CYFIP2: variants seen among roughly 807,000 people sequenced by gnomAD.
The protein encoded by CYFIP2 is cytoplasmic FMR1 interacting protein 2.
A neutral mutation model predicts 158.7 loss-of-function variants in CYFIP2; 29 were observed. The ratio of observed to expected loss-of-function variants is 0.18; its 90% confidence interval spans 0.14 to 0.25. CYFIP2 has a LOEUF of 0.25. Ranked by LOEUF, CYFIP2 falls within the 10% of genes least tolerant of loss-of-function variation. The pLI is 1.00. For missense variants in CYFIP2, 852 were observed against 1,639.5 expected (o/e 0.52, Z 8.29); for synonymous variants, 585 against 617.6 (o/e 0.95, Z 0.78).
Position 157,324,014 on chromosome 5 carries a change from C to T in CYFIP2, c.1765C>T (p.Leu589Phe). 1 of 1,613,742 alleles carries T rather than the reference C, an allele frequency of 6.2e-7. No homozygotes were observed. The highest frequency in any genetic ancestry group is 8.5e-7 in the Non-Finnish European group (1 of 1,179,776). ...GAGCAGCCTGGATGGACCCATTGTC[C>T]TCGCCATAGAGGACTTTCACAAACA... Reference protein sequence around the residue: ...LRSSLDGPIVLAIEDFHKQSF... With the variant: ...LRSSLDGPIVFAIEDFHKQSF... Residue 589 changes from leucine to phenylalanine, a missense_variant, in exon 16 of 31, where the codon CTC becomes TTC. Leu to Phe is a conservative substitution (Grantham distance 22). This residue lies in a region of CYFIP2 where 167 missense variants were observed against 343.3 expected (regional missense o/e 0.49). Transcript: ENST00000620254.
intron 18 of CYFIP2, among the ~76,000 whole-genome samples, chr5:157,327,630 A>G (rs1761129634): frequency 6.6e-6 from 1 of 152,076 alleles, no homozygotes; most frequent in South Asian, 2.1e-4. Flanking sequence ...GAAGAGATGG[A>G]TGGGGAGGCT....
rs557681672 is a variant in CYFIP2 at position 157,377,041 on chromosome 5, A to C, written c.3040-5549A>C. ...TTTACTCCCGCCCTCAGGTCCAGTC[A>C]TCAGGTCTCTGGCCTCTGCTCACTT... On this transcript the variant is annotated intron_variant, in intron 26 of 30. Coordinates refer to ENST00000620254, the MANE Select transcript of CYFIP2 (RefSeq NM_001037333.3). 5 of 367,414 alleles carry C rather than the reference A, an allele frequency of 1.4e-5. 1 individual carries two copies. Among genetic ancestry groups the C allele is most frequent in the South Asian group, 1.0e-4 (5 of 49,176 alleles). The allele number at this position is 367,414 out of a possible 1,614,324, so 22.8% of individuals were successfully genotyped here.
intron 26 of CYFIP2, chr5:157,363,311 A>T (rs1358375007): frequency 6.6e-6 from 1 of 152,276 alleles, no homozygotes; most frequent in African/African-American, 2.4e-5. Context: ...CCATCCACTC[A>T]TTCAGCAAGA....
intron 1 of CYFIP2, among the ~76,000 whole-genome samples, chr5:157,268,558 A>G (rs566963809): frequency 9.2e-5 from 14 of 152,328 alleles, no homozygotes; most frequent in Middle Eastern, 3.4e-3. Flanking sequence ...GGAAAACAGT[A>G]CGGGTCCCAG....
intron 26 of CYFIP2, among the ~76,000 whole-genome samples, chr5:157,378,289 A>G (rs2113484991): frequency 6.6e-6 from 1 of 152,298 alleles, no homozygotes; most frequent in South Asian, 2.1e-4. Flanking sequence ...GTAATTTCCT[A>G]TTTCTTTGTA....
chr5:157,343,665 A>C, intron 23 of CYFIP2: 1 of 805,934 alleles, frequency 1.2e-6, no homozygotes, highest in East Asian at 2.7e-5. Flanking sequence ...TCTTACAGAC[A>C]AAGAAATGGA....
At position 157,349,368 on chromosome 5, in the gene CYFIP2, A is replaced by G. The variant is rs146171350; in HGVS notation, c.2673+8211A>G. On this transcript the variant is annotated intron_variant, in intron 23 of 30. Coordinates refer to ENST00000620254, the MANE Select transcript of CYFIP2 (RefSeq NM_001037333.3). ...CTCCCACTCAAGTGAGAACATAATC[A>G]TGTTTGGTTTTCCATTCCCGAGTTA... Among the ~76,000 whole-genome samples the G allele has an allele frequency of 2.8e-3, 423 of 152,218 alleles. 3 individuals carry two copies. Among genetic ancestry groups the G allele is most frequent in the African/African-American group, 9.9e-3 (412 of 41,528 alleles).
intron 1 of CYFIP2, among the ~76,000 whole-genome samples, chr5:157,268,559 C>T (rs777165511): frequency 1.3e-5 from 2 of 152,186 alleles, no homozygotes; most frequent in Non-Finnish European, 1.5e-5. Flanking sequence ...GAAAACAGTA[C>T]GGGTCCCAGT....
chr5:157,320,909 G>A, intron 15 of CYFIP2, 107 bp downstream of exon 15: 1 of 1,362,610 alleles, frequency 7.3e-7, no homozygotes, highest in Non-Finnish European at 9.7e-7. Context: ...CCGTCGGTCA[G>A]GAGGGGCAGG....
intron 13 of CYFIP2, among the ~76,000 whole-genome samples, chr5:157,316,207 G>T (rs6862382): frequency 0.76 from 116,192 of 152,234 alleles, 45,702 homozygotes; most frequent in African/African-American, 0.94. Flanking sequence ...TTTTCATGCA[G>T]ACAGGGAAGA....
At chr5:157,308,766 G>A (rs1759453960) in intron 9 of CYFIP2, among the ~76,000 whole-genome samples, 1 of 152,182 alleles carries the variant, frequency 6.6e-6, no homozygotes, top group Non-Finnish European at 1.5e-5. Flanking sequence ...AGTTGCCCCA[G>A]ATGAAAATAG....
intron 26 of CYFIP2, among the ~76,000 whole-genome samples, chr5:157,381,966 T>C (rs925719107): frequency 2.0e-5 from 3 of 150,948 alleles, no homozygotes; most frequent in South Asian, 2.1e-4. Flanking sequence ...AGTAAGCCCA[T>C]GAGACCCTAT....
At chr5:157,364,201 T>TGGGGGGGG (rs1330747273) in intron 26 of CYFIP2, 2 of 15,108 alleles carry the variant, frequency 1.3e-4, no homozygotes, top group Non-Finnish European at 2.1e-4. Context: ...TGGGGCGGGG[T>TGGGGGGGG]GGCGGGGGGG....
Position 157,382,498 on chromosome 5 carries a change from A to G in CYFIP2, c.3040-92A>G, listed in dbSNP as rs150317142. 8.3e-4 allele frequency: 1,115 copies of G among 1,339,274 alleles called. 6 individuals carry two copies. In the African/African-American group the frequency reaches 0.011, roughly 14 times the overall value. 83.0% of individuals were successfully genotyped at this position (1,339,274 alleles called of 1,614,324 possible). On this transcript the variant is annotated intron_variant, in intron 26 of 30. Transcript: ENST00000620254. ...AGAGCCAGGATTTGAACCCAGGTCT[A>G]GCTAACTCCAGTGCTCAGGTTTTTA...
chr5:157,315,484 T>C (rs1760066292), intron 13 of CYFIP2, among the ~76,000 whole-genome samples: 1 of 152,238 alleles, frequency 6.6e-6, no homozygotes, highest in Admixed American at 6.5e-5. Context: ...AGCTGGATGA[T>C]GCCTGTTGCA....
intron 5 of CYFIP2, among the ~76,000 whole-genome samples, chr5:157,298,446 C>T (rs955903033): frequency 6.6e-6 from 1 of 151,990 alleles, no homozygotes; most frequent in Admixed American, 6.6e-5. Context: ...ATTCTCCTGC[C>T]TCAGCCTCCC....
At chr5:157,301,991 G>T (rs1758789693) in intron 6 of CYFIP2, among the ~76,000 whole-genome samples, 2 of 152,180 alleles carry the variant, frequency 1.3e-5, no homozygotes, top group South Asian at 4.1e-4. Flanking sequence ...GTGTCCAGCA[G>T]GCTGGGCCCC....
intron 23 of CYFIP2, among the ~76,000 whole-genome samples, chr5:157,354,612 AT>A (rs1344772603): frequency 6.6e-6 from 1 of 151,792 alleles, no homozygotes; most frequent in Non-Finnish European, 1.5e-5. Context: ...TAGGAGGAGG[AT>A]TTGAATTCTC....
chr5:157,394,160 C>T lies in CYFIP2; in HGVS notation c.*1160C>T, dbSNP rs148519938. 9 of 152,226 alleles carry T rather than the reference C, an allele frequency of 5.9e-5. No homozygotes were observed. The highest frequency in any genetic ancestry group is 2.6e-4 in the Admixed American group (4 of 15,288). The allele number at this position is 152,226 out of a possible 1,614,324, so 9.4% of individuals were successfully genotyped here. The stretch of plus-strand genomic sequence containing the variant: ...CTTTACATTCCTTAAGTTAGACTTT[C>T]GGGTGTGGCTTCTCTCCCAGGGGTA... On this transcript the variant is annotated 3_prime_UTR_variant, in exon 31 of 31. Transcript: ENST00000620254.
Sources: gnomAD v4.1 joint callset for allele counts (sites outside exome capture counted in the v4.1 genomes callset) on GRCh38, gnomAD v4.1.1 for gene constraint, gnomAD v4.1.1 regional missense constraint, MANE v1.5 for transcripts, NCBI Gene and HGNC (gene_info 2026-07-23, HGNC 2026-07-21) for gene names.